The following KTN1 variants were observed in gnomAD, a reference collection of about 807,000 sequenced individuals.
KTN1 encodes kinectin 1.
KTN1 carries 130 observed loss-of-function variants against 222.5 expected under a neutral mutation model. The observed-to-expected ratio is 0.58, with a 90% CI of 0.51 to 0.68. The LOEUF (loss-of-function observed/expected upper bound fraction) is 0.68, where lower values mean the gene tolerates loss of function less well. Ranked by LOEUF, KTN1 falls within the 30% of genes least tolerant of loss-of-function variation. KTN1 has a pLI of 0.00. For missense variants in KTN1, 1,508 were observed against 1,500.4 expected, an observed-to-expected ratio of 1.01 and a Z score of -0.08; for synonymous variants, 512 against 496.3, an observed-to-expected ratio of 1.03 and a Z score of -0.42.
rs2033211580 is a variant in KTN1, at chr14:55,587,281, C to CT, written c.-31+6928dup. Among the ~76,000 whole-genome samples, 4 of 152,046 alleles carry CT rather than the reference C, an allele frequency of 2.6e-5. 1 individual carries two copies. In the South Asian group the frequency reaches 8.3e-4, roughly 32 times the overall value. On this transcript the variant is annotated intron_variant, in intron 1 of 43. Coordinates refer to ENST00000395314, the MANE Select transcript of KTN1 (RefSeq NM_001079521.2). ...TTGGTATGCCATATAAAGTGAAACT[C>CT]TAAGAATAAGGGTTTTAGGTTTACT...
chr14:55,656,398 T>C, intron 29 of KTN1: 1 of 328,494 alleles, frequency 3.0e-6, no homozygotes, highest in Non-Finnish European at 5.5e-6. Flanking sequence ...TTTCAAGATC[T>C]TTCCATATAA....
At chr14:55,659,266 G>T (rs781337150) in intron 30 of KTN1, among the ~76,000 whole-genome samples, 1 of 150,766 alleles carries the variant, frequency 6.6e-6, no homozygotes, top group African/African-American at 2.4e-5. Flanking sequence ...TTTGTTAAAC[G>T]TGAGGAAACA....
intron 1 of KTN1, chr14:55,601,781 G>A (rs1039027055): frequency 3.3e-5 from 5 of 152,062 alleles, no homozygotes; most frequent in African/African-American, 1.2e-4. Flanking sequence ...CGTCACCCAG[G>A]CTGGAGTGCA....
intron 2 of KTN1, among the ~76,000 whole-genome samples, chr14:55,614,929 G>GTA (rs2038130053): frequency 6.6e-6 from 1 of 152,160 alleles, no homozygotes; most frequent in African/African-American, 2.4e-5. Flanking sequence ...GGCCATCTAC[G>GTA]TAGAGCAACT....
chr14:55,612,270 A>G lies in KTN1; in HGVS notation c.222A>G (p.Glu74=), dbSNP rs144486170. ...AAATCCAGAATGGAAACCTCCATGA[A>G]TCCGACTCTGAGAGTGTACCTCGAG... ...KKEIQNGNLH[E]SDSESVPRDF... is the part of the protein sequence containing the mutation. Residue 74 remains glutamate, a synonymous_variant, in exon 2 of 44, where the codon GAA becomes GAG. Transcript: ENST00000395314. The G allele has an allele frequency of 2.7e-5, 43 of 1,602,238 alleles. No homozygotes were observed. The African/African-American group carries it at 3.9e-4, about 15-fold the overall frequency.
In KTN1 at chr14:55,664,037, C is replaced by G. The variant is rs148540209; in HGVS notation, c.3173C>G (p.Ser1058Cys). The change falls in exon 33 of 44, where the codon TCC becomes TGC. Residue 1058 changes from serine to cysteine, a missense_variant. By Grantham distance (112) the Ser-to-Cys change is moderately radical. Coordinates refer to ENST00000395314, the MANE Select transcript of KTN1 (RefSeq NM_001079521.2). ...KMLQDKVNKT[S>C]KERQQQVEAV... ...CTGCAGGACAAAGTGAACAAGACTT[C>G]CAAGGTTGTAATGCTAACTCCTAGA... The G allele has an allele frequency of 1.2e-5, 19 of 1,606,676 alleles. No homozygotes were observed. The African/African-American group carries it at 1.9e-4, about 16-fold the overall frequency.
chr14:55,610,548 T>C (rs2037393531), intron 1 of KTN1, among the ~76,000 whole-genome samples: 1 of 152,210 alleles, frequency 6.6e-6, no homozygotes, highest in South Asian at 2.1e-4. Context: ...TCATGACATA[T>C]CAAGACTCTC....
At chr14:55,679,389 C>T in intron 42 of KTN1, 176 bp from the exon 43 acceptor site, 1 of 531,010 alleles carries the variant, frequency 1.9e-6, no homozygotes, top group Admixed American at 3.9e-5. Flanking sequence ...TAGTTTGCAC[C>T]ACTAGTTAGC....
intron 18 of KTN1, 117 bp downstream of exon 18, chr14:55,641,877 G>C (rs1416453261): frequency 1.5e-6 from 1 of 689,214 alleles, no homozygotes; most frequent in African/African-American, 1.8e-5. Flanking sequence ...AGATATGGCT[G>C]TTATTGCCTT....
At chr14:55,656,341 G>T in intron 29 of KTN1, 1 of 474,248 alleles carries the variant, frequency 2.1e-6, no homozygotes. Flanking sequence ...ATACTCTGTT[G>T]AACTATACTA....
intron 5 of KTN1, among the ~76,000 whole-genome samples, chr14:55,626,608 T>C (rs1036842166): frequency 6.6e-6 from 1 of 152,046 alleles, no homozygotes; most frequent in Non-Finnish European, 1.5e-5. Flanking sequence ...TGTTTCATTT[T>C]ATTTACTACT....
chr14:55,662,367 G>A (rs796427286), intron 32 of KTN1, among the ~76,000 whole-genome samples: 1 of 152,114 alleles, frequency 6.6e-6, no homozygotes, highest in Non-Finnish European at 1.5e-5. Flanking sequence ...ACGGCACCTG[G>A]CCAGAACCTC....
rs114725933 is a variant in KTN1 at position 55,669,335 on chromosome 14, C to G, written c.3268-1394C>G. 2.8e-3 allele frequency among the ~76,000 whole-genome samples: 423 copies of G among 152,082 alleles called. 2 individuals carry two copies. The highest frequency in any genetic ancestry group is 9.6e-3 in the African/African-American group (397 of 41,510). On this transcript the variant is annotated intron_variant, in intron 34 of 43. Coordinates refer to ENST00000395314, the MANE Select transcript of KTN1 (RefSeq NM_001079521.2). ...TGGATGATACTGTTTGGCTTTTGTT[C>G]ATATACTTGTCAAAAGTTGAATATT...
chr14:55,582,708 TATTAA>T (rs986371465), intron 1 of KTN1, among the ~76,000 whole-genome samples: 3 of 152,208 alleles, frequency 2.0e-5, no homozygotes, highest in Non-Finnish European at 2.9e-5. Context: ...TTTGTTAAAA[TATTAA>T]ATTGTTAATG....
intron 32 of KTN1, chr14:55,663,461 A>G (rs2044359727): frequency 6.1e-6 from 1 of 163,842 alleles, no homozygotes; most frequent in African/African-American, 2.4e-5. Flanking sequence ...ACAGTGGGTT[A>G]CTATGGGATT....
intron 21 of KTN1, 151 bp from the exon 22 acceptor site, chr14:55,649,625 T>C (rs946836752): frequency 1.8e-6 from 1 of 567,262 alleles, no homozygotes; most frequent in African/African-American, 2.0e-5. Flanking sequence ...GTTGTCATTA[T>C]TATGACATTA....
intron 1 of KTN1, among the ~76,000 whole-genome samples, chr14:55,610,254 G>T (rs2037340962): frequency 6.6e-6 from 1 of 152,106 alleles, no homozygotes; most frequent in Admixed American, 6.5e-5. Flanking sequence ...ATCTAAGCAT[G>T]CTGGAAGTCC....
intron 1 of KTN1, among the ~76,000 whole-genome samples, chr14:55,598,329 G>GGAGGCA (rs2035394637): frequency 6.6e-6 from 1 of 151,848 alleles, no homozygotes; most frequent in Non-Finnish European, 1.5e-5. Flanking sequence ...CAGCTACTCT[G>GGAGGCA]GAGGCAGAGG....
Position 55,602,646 on chromosome 14 carries a change from A to C in KTN1, c.-30-9373A>C, listed in dbSNP as rs555253805. Among the ~76,000 whole-genome samples, 4 of 151,958 alleles carry C rather than the reference A, an allele frequency of 2.6e-5. No homozygotes were observed. The South Asian group carries it at 8.4e-4, about 32-fold the overall frequency. The stretch of plus-strand genomic sequence containing the variant: ...GCCCATGTTAGAGTGCAGAGGTGAA[A>C]TCATGGCTTACTATAGCCTTGAGCT... On this transcript the variant is annotated intron_variant, in intron 1 of 43. Transcript: ENST00000395314.
Sources: allele counts gnomAD v4.1 joint callset (sites outside exome capture counted in the v4.1 genomes callset), GRCh38; gene constraint gnomAD v4.1.1; transcripts MANE v1.5; gene names NCBI Gene and HGNC (gene_info 2026-07-23, HGNC 2026-07-21).